The following BPNT2 variants were observed in gnomAD, a reference collection of about 807,000 sequenced individuals.
BPNT2 encodes the protein Golgi-resident adenosine 3',5'-bisphosphate 3'-phosphatase.
BPNT2 carries 11 observed loss-of-function variants against 29.3 expected under a neutral mutation model. The ratio of observed to expected loss-of-function variants is 0.38; its 90% confidence interval spans 0.24 to 0.62. The LOEUF (loss-of-function observed/expected upper bound fraction) is 0.62. Among genes scored for constraint, BPNT2 ranks in the 20% least tolerant of loss-of-function variants. BPNT2 has a pLI of 0.62. For missense variants in BPNT2, 459 were observed against 473.4 expected, an observed-to-expected ratio of 0.97 and a Z score of 0.28; for synonymous variants, 195 against 187.7, an observed-to-expected ratio of 1.04 and a Z score of -0.32.
chr8:56,977,918 TTG>T, intron 3 of BPNT2, 130 bp downstream of exon 3: 1 of 703,278 alleles, frequency 1.4e-6, no homozygotes, highest in South Asian at 1.5e-5. Context: ...GACACATAAT[TTG>T]TGTTTTTTTC....
At chr8:56,992,786 G>C (rs2129207313) in intron 1 of BPNT2, among the ~76,000 whole-genome samples, 1 of 148,582 alleles carries the variant, frequency 6.7e-6, no homozygotes, top group Admixed American at 7.0e-5. Context: ...GCTGGCTACT[G>C]GCAGGCCACC....
At chr8:56,978,961 T>C (rs1269332189) in intron 2 of BPNT2, among the ~76,000 whole-genome samples, 1 of 152,110 alleles carries the variant, frequency 6.6e-6, no homozygotes, top group Non-Finnish European at 1.5e-5. Flanking sequence ...TACTTGGGTG[T>C]TGAAACAAAT....
At chr8:56,976,142 A>T (rs906759306) in intron 3 of BPNT2, among the ~76,000 whole-genome samples, 2 of 152,140 alleles carry the variant, frequency 1.3e-5, no homozygotes, top group Non-Finnish European at 1.5e-5. Flanking sequence ...CCTTAGTGGG[A>T]AATGTCCTCC....
In BPNT2 at chr8:56,963,555, A is replaced by G; in HGVS notation, c.*238T>C. On this transcript the variant is annotated 3_prime_UTR_variant, in exon 5 of 5. Coordinates refer to ENST00000262644, the MANE Select transcript of BPNT2 (RefSeq NM_017813.5). ...ACAAATATATATATGCGCCTTGTGT[A>G]TGACAACTGTATGAAAATAGTCTCA... 1 of 524,622 alleles carries G rather than the reference A, an allele frequency of 1.9e-6. No individual in the cohort carries two copies. The highest frequency in any genetic ancestry group is 3.4e-6 in the Non-Finnish European group (1 of 294,464). The allele number at this position is 524,622 out of a possible 1,614,324, so 32.5% of individuals were successfully genotyped here.
intron 2 of BPNT2, among the ~76,000 whole-genome samples, chr8:56,978,694 C>T (rs939466589): frequency 5.9e-5 from 9 of 151,934 alleles, no homozygotes; most frequent in Admixed American, 5.2e-4. Context: ...ACATATACAC[C>T]GTGCAATACT....
intron 1 of BPNT2, among the ~76,000 whole-genome samples, chr8:56,988,606 A>G (rs1021296672): frequency 6.6e-6 from 1 of 152,140 alleles, no homozygotes; most frequent in Non-Finnish European, 1.5e-5. Context: ...TTCCCCTTTC[A>G]TGTTATATTC....
chr8:56,981,091 T>C (rs553993050), intron 1 of BPNT2, among the ~76,000 whole-genome samples: 1 of 152,204 alleles, frequency 6.6e-6, no homozygotes. Context: ...ACAGCATCCC[T>C]GGCTGAATGC....
At chr8:56,980,487 A>C (rs1806220959) in intron 1 of BPNT2, among the ~76,000 whole-genome samples, 1 of 152,212 alleles carries the variant, frequency 6.6e-6, no homozygotes, top group Non-Finnish European at 1.5e-5. Flanking sequence ...TTGAAGAAAC[A>C]AGCTACTTAA....
In BPNT2 at chr8:56,993,663, G is replaced by A. The variant is rs1806459007; in HGVS notation, c.-78C>T. Reference sequence around the variant, plus strand: ...CGCCGCCGCCGCCGCCGCAGCCGCCGCGCTCCGGGCCAGGCGCCGCGCGGG... The same window carrying A: ...CGCCGCCGCCGCCGCCGCAGCCGCCACGCTCCGGGCCAGGCGCCGCGCGGG... On this transcript the variant is annotated 5_prime_UTR_variant, in exon 1 of 5. Coordinates refer to ENST00000262644, the MANE Select transcript of BPNT2 (RefSeq NM_017813.5). 5 of 1,156,310 alleles carry A rather than the reference G, an allele frequency of 4.3e-6. No individual in the cohort carries two copies. The highest frequency in any genetic ancestry group is 5.3e-6 in the Non-Finnish European group (5 of 943,208). 71.6% of individuals were successfully genotyped at this position (1,156,310 alleles called of 1,614,324 possible).
chr8:56,969,473 A>G (rs1309710414), intron 3 of BPNT2, among the ~76,000 whole-genome samples: 2 of 152,218 alleles, frequency 1.3e-5, no homozygotes, highest in African/African-American at 4.8e-5. Flanking sequence ...AAAGATGGGA[A>G]TAAGGTAAAA....
At chr8:56,966,111 G>C (rs1805944191) in intron 4 of BPNT2, 80 bp downstream of exon 4, 1 of 1,492,830 alleles carries the variant, frequency 6.7e-7, no homozygotes, top group Non-Finnish European at 9.3e-7. Context: ...CCCAAGCATG[G>C]ACAAGCAAAT....
chr8:56,966,913 A>G (rs1032053438), intron 3 of BPNT2, among the ~76,000 whole-genome samples: 1 of 152,246 alleles, frequency 6.6e-6, no homozygotes, highest in African/African-American at 2.4e-5. Flanking sequence ...GTGACTTTAT[A>G]AACAGAAAAC....
chr8:56,965,105 A>G (rs1805917117), intron 4 of BPNT2, among the ~76,000 whole-genome samples: 1 of 152,224 alleles, frequency 6.6e-6, no homozygotes, highest in Non-Finnish European at 1.5e-5. Context: ...AGACTGCCTG[A>G]GCTCAGGAGC....
intron 1 of BPNT2, among the ~76,000 whole-genome samples, chr8:56,986,556 T>C (rs1806329048): frequency 6.6e-6 from 1 of 152,210 alleles, no homozygotes; most frequent in Non-Finnish European, 1.5e-5. Flanking sequence ...TACGTCCTGA[T>C]AAACCCATTG....
rs1380312132 is a variant in BPNT2, at chr8:56,979,846, C to T, written c.550+189G>A. ...TTAAATTCCTAACATCCCGAGTAAA[C>T]ATTAAATTCTGGCTAAAGAAGTTTC... On this transcript the variant is annotated intron_variant, in intron 2 of 4. Transcript: ENST00000262644. Among the ~76,000 whole-genome samples, 3 of 152,116 alleles carry T rather than the reference C, an allele frequency of 2.0e-5. No individual in the cohort carries two copies. In the South Asian group the frequency reaches 6.2e-4, roughly 31 times the overall value.
chr8:56,974,325 T>A (rs998084422), intron 3 of BPNT2, among the ~76,000 whole-genome samples: 5 of 152,218 alleles, frequency 3.3e-5, no homozygotes, highest in African/African-American at 1.2e-4. Context: ...CTACACTTAC[T>A]TATACATTTA....
intron 1 of BPNT2, among the ~76,000 whole-genome samples, chr8:56,992,143 T>C (rs1806427286): frequency 6.6e-6 from 1 of 152,106 alleles, no homozygotes; most frequent in Non-Finnish European, 1.5e-5. Flanking sequence ...GCAAAATACA[T>C]AACTAAACAA....
At chr8:56,969,086 C>T (rs1043376647) in intron 3 of BPNT2, among the ~76,000 whole-genome samples, 6 of 152,180 alleles carry the variant, frequency 3.9e-5, no homozygotes, top group African/African-American at 1.4e-4. Context: ...CCAGAAGCTG[C>T]AAGAGAAAAC....
At chr8:56,981,095 T>C (rs960575561) in intron 1 of BPNT2, among the ~76,000 whole-genome samples, 5 of 152,066 alleles carry the variant, frequency 3.3e-5, no homozygotes, top group Admixed American at 1.3e-4. Context: ...CATCCCTGGC[T>C]GAATGCCACT....
Sources: allele counts gnomAD v4.1 joint callset (sites outside exome capture counted in the v4.1 genomes callset), GRCh38; gene constraint gnomAD v4.1.1; transcripts MANE v1.5; gene names NCBI Gene and HGNC (gene_info 2026-07-23, HGNC 2026-07-21).